Variants in SLIT2 observed in about 807,000 individuals in gnomAD.
SLIT2 encodes slit guidance ligand 2, also known as slit homolog 2 protein.
Under a neutral mutation model 185.7 loss-of-function variants are expected in SLIT2, and 41 were observed. The observed-to-expected ratio is 0.22, with a 90% confidence interval of 0.17 to 0.29. SLIT2 has a LOEUF of 0.29. Among genes scored for constraint, SLIT2 ranks in the 10% least tolerant of loss-of-function variants. SLIT2 has a pLI of 1.00. For synonymous variants in SLIT2, 693 were observed against 680.2 expected, an observed-to-expected ratio of 1.02 and a Z score of -0.29; for missense variants, 1,571 against 1,909.0, an observed-to-expected ratio of 0.82 and a Z score of 3.30.
At chr4:20,437,914 C>CAA (rs1224604666) in intron 4 of SLIT2, among the ~76,000 whole-genome samples, 1,426 of 64,552 alleles carry the variant, frequency 0.022, 56 homozygotes, top group African/African-American at 0.074. Context: ...GACTCCGTCT[C>CAA]AAAAAAAAAA....
chr4:20,480,867 C>T, intron 6 of SLIT2, 80 bp downstream of exon 6: 1 of 995,082 alleles, frequency 1.0e-6, no homozygotes, highest in Non-Finnish European at 1.6e-6. Flanking sequence ...TATCTGCTAG[C>T]TTAAAACCTT....
chr4:20,601,253 A>C (rs1728388395), intron 33 of SLIT2, among the ~76,000 whole-genome samples: 1 of 152,216 alleles, frequency 6.6e-6, no homozygotes, highest in Admixed American at 6.5e-5. Flanking sequence ...CTCTGTTATC[A>C]ACTAACTGTG....
At chr4:20,357,478 G>C (rs907121458) in intron 4 of SLIT2, among the ~76,000 whole-genome samples, 1 of 152,060 alleles carries the variant, frequency 6.6e-6, no homozygotes, top group South Asian at 2.1e-4. Flanking sequence ...GTTAGTTCAA[G>C]TTTCTAATTC....
chr4:20,324,285 T>G (rs146845245), intron 4 of SLIT2, among the ~76,000 whole-genome samples: 151 of 150,116 alleles, frequency 1.0e-3, no homozygotes, highest in African/African-American at 3.6e-3. Context: ...GTGCTGATGT[T>G]GTATTGGTGA....
chr4:20,350,183 G>T (rs1026256766), intron 4 of SLIT2, among the ~76,000 whole-genome samples: 1 of 152,042 alleles, frequency 6.6e-6, no homozygotes, highest in South Asian at 2.1e-4. Flanking sequence ...CTGTGGGATA[G>T]CTCAATTAAT....
intron 4 of SLIT2, among the ~76,000 whole-genome samples, chr4:20,371,516 C>T: frequency 6.6e-6 from 1 of 152,050 alleles, no homozygotes; most frequent in Non-Finnish European, 1.5e-5. Context: ...TGTCCTGGGG[C>T]CGCTCTGCTC....
chr4:20,253,728 A>C lies in SLIT2; in HGVS notation c.-88A>C, dbSNP rs541445326. ...CTCTGGGTTGCTAGCCCCGCCGGGC[A>C]CTGGGCCTCAGACACTGCGCGGTTC... On this transcript the variant is annotated 5_prime_UTR_variant, in exon 1 of 37. Transcript: ENST00000504154. The C allele has an allele frequency of 6.7e-7, 1 of 1,492,342 alleles. No homozygotes were observed. The highest frequency in any genetic ancestry group is 1.2e-5 in the South Asian group (1 of 81,928). 92.4% of individuals were successfully genotyped at this position (1,492,342 alleles called of 1,614,324 possible).
intron 29 of SLIT2, among the ~76,000 whole-genome samples, chr4:20,572,157 A>G (rs1160132989): frequency 6.6e-6 from 1 of 152,220 alleles, no homozygotes; most frequent in Admixed American, 6.5e-5. Flanking sequence ...ATGAATTGTA[A>G]GGACAAGTAC....
intron 4 of SLIT2, among the ~76,000 whole-genome samples, chr4:20,392,972 C>A (rs1443483352): frequency 1.3e-5 from 2 of 151,996 alleles, no homozygotes; most frequent in Non-Finnish European, 2.9e-5. Flanking sequence ...ATAGTAAATA[C>A]ATACACCGTA....
chr4:20,563,756 A>G (rs1724877205), intron 26 of SLIT2, among the ~76,000 whole-genome samples: 1 of 151,840 alleles, frequency 6.6e-6, no homozygotes, highest in Admixed American at 6.6e-5. Context: ...CTTTTAAATA[A>G]AACACTTTTT....
At chr4:20,563,629 C>G (rs1724868015) in intron 26 of SLIT2, among the ~76,000 whole-genome samples, 1 of 151,748 alleles carries the variant, frequency 6.6e-6, no homozygotes, top group Admixed American at 6.6e-5. Context: ...ATTTGAGCAG[C>G]TCCTAGCATA....
At chr4:20,455,579 T>G (rs1474401012) in intron 4 of SLIT2, among the ~76,000 whole-genome samples, 2 of 152,094 alleles carry the variant, frequency 1.3e-5, no homozygotes, top group African/African-American at 4.8e-5. Context: ...TGTGTTATAT[T>G]TATACAATGG....
At chr4:20,607,989 G>T (rs901993723) in intron 33 of SLIT2, among the ~76,000 whole-genome samples, 4 of 152,002 alleles carry the variant, frequency 2.6e-5, no homozygotes, top group African/African-American at 7.2e-5. Context: ...TTATATTTCT[G>T]CCAGCCTTTA....
intron 4 of SLIT2, among the ~76,000 whole-genome samples, chr4:20,323,512 G>A (rs1434977115): frequency 6.6e-6 from 1 of 151,990 alleles, no homozygotes; most frequent in Non-Finnish European, 1.5e-5. Context: ...AATACACATG[G>A]ATATCAGTCT....
At chr4:20,274,325 A>C (rs941267906) in intron 4 of SLIT2, among the ~76,000 whole-genome samples, 1 of 152,144 alleles carries the variant, frequency 6.6e-6, no homozygotes, top group African/African-American at 2.4e-5. Context: ...TATTGCATTT[A>C]AAAAAATTAC....
At chr4:20,488,124 T>G (rs922967533) in intron 7 of SLIT2, among the ~76,000 whole-genome samples, 1 of 152,290 alleles carries the variant, frequency 6.6e-6, no homozygotes, top group Middle Eastern at 3.4e-3. Flanking sequence ...TTGGAAGCAA[T>G]CCATGATCTT....
In SLIT2 at chr4:20,529,017, C is replaced by T. The variant is rs368070521; in HGVS notation, c.1531C>T (p.Arg511Cys). ...FADLACPEKC[R>C]CEGTTVDCSN... The stretch of plus-strand genomic sequence containing the variant: ...GGATCTGGCTTGCCCTGAAAAGTGT[C>T]GCTGTGAAGGAACCACAGTAGATTG... Residue 511 changes from arginine (R) to cysteine (C), a missense_variant, in exon 16 of 37, where the codon CGC becomes TGC. By Grantham distance (180) the Arg-to-Cys change is radical. Transcript: ENST00000504154. 31 of 1,613,548 alleles carry T rather than the reference C, an allele frequency of 1.9e-5. No individual in the cohort carries two copies. Among genetic ancestry groups the T allele is most frequent in the Middle Eastern group, 1.6e-4 (1 of 6,082 alleles).
intron 8 of SLIT2, among the ~76,000 whole-genome samples, chr4:20,490,445 G>GT (rs1717681710): frequency 6.7e-6 from 1 of 150,194 alleles, no homozygotes; most frequent in African/African-American, 2.4e-5. Flanking sequence ...ATATATGTGT[G>GT]GGTGTGTGTG....
At chr4:20,570,900 G>T (rs1725549755) in intron 29 of SLIT2, among the ~76,000 whole-genome samples, 2 of 151,566 alleles carry the variant, frequency 1.3e-5, no homozygotes, top group African/African-American at 2.4e-5. Flanking sequence ...CTTTAGATTT[G>T]CTATTCCTTA....
Sources: allele counts gnomAD v4.1 joint callset (sites outside exome capture counted in the v4.1 genomes callset), GRCh38; gene constraint gnomAD v4.1.1; transcripts MANE v1.5; gene names NCBI Gene and HGNC (gene_info 2026-07-23, HGNC 2026-07-21).